Variants in ATG10 observed in about 807,000 individuals in gnomAD.
The protein encoded by ATG10 is autophagy related 10, also known as ubiquitin-like-conjugating enzyme ATG10.
Under a neutral mutation model 32.1 loss-of-function variants are expected in ATG10, and 30 were observed. The observed-to-expected ratio is 0.94, with a 90% CI of 0.70 to 1.27. The LOEUF (loss-of-function observed/expected upper bound fraction) is 1.27, where lower values mean the gene tolerates loss of function less well. Ranked by LOEUF, ATG10 falls within the 50% of genes most tolerant of loss-of-function variation. The pLI is 0.00. For synonymous variants in ATG10, 87 were observed against 91.5 expected (o/e 0.95, Z 0.28); for missense variants, 233 against 262.3 (o/e 0.89, Z 0.77).
intron 5 of ATG10, among the ~76,000 whole-genome samples, chr5:82,187,010 G>C (rs1199771830): frequency 2.0e-5 from 3 of 152,070 alleles, no homozygotes; most frequent in African/African-American, 7.2e-5. Context: ...CCTACATTAA[G>C]AAATATATGA....
chr5:82,204,348 T>C (rs1304418865), intron 5 of ATG10, among the ~76,000 whole-genome samples: 1 of 152,182 alleles, frequency 6.6e-6, no homozygotes, highest in Non-Finnish European at 1.5e-5. Flanking sequence ...GTGAAGTCTT[T>C]AGAGCATTTC....
chr5:81,995,128 G>A (rs1761621833), intron 2 of ATG10, among the ~76,000 whole-genome samples: 1 of 150,374 alleles, frequency 6.7e-6, no homozygotes, highest in Non-Finnish European at 1.5e-5. Flanking sequence ...GTGTGTGTAT[G>A]TGTGTGTGTG....
chr5:82,207,161 TG>T (rs1026617722), intron 5 of ATG10, among the ~76,000 whole-genome samples: 27 of 152,290 alleles, frequency 1.8e-4, no homozygotes, highest in African/African-American at 6.5e-4. Context: ...GCATTTCTAT[TG>T]GGTATATATC....
At chr5:82,048,179 T>C (rs1452851506) in intron 2 of ATG10, among the ~76,000 whole-genome samples, 1 of 134,234 alleles carries the variant, frequency 7.4e-6, no homozygotes, top group East Asian at 2.0e-4. Context: ...TCTTTTGGCT[T>C]AGGATTGACT....
intron 2 of ATG10, among the ~76,000 whole-genome samples, chr5:82,041,332 C>A (rs949476241): frequency 2.0e-5 from 3 of 152,152 alleles, no homozygotes; most frequent in Non-Finnish European, 4.4e-5. Flanking sequence ...CTAGTGGTTT[C>A]ACTAGTACAT....
intron 3 of ATG10, among the ~76,000 whole-genome samples, chr5:82,097,417 C>A (rs953798950): frequency 1.3e-5 from 2 of 151,974 alleles, no homozygotes; most frequent in Admixed American, 1.3e-4. Context: ...ACATCTAGGA[C>A]CATCTTAAAT....
intron 3 of ATG10, among the ~76,000 whole-genome samples, chr5:82,134,169 G>C (rs1378943814): frequency 1.8e-5 from 1 of 54,224 alleles, no homozygotes; most frequent in Non-Finnish European, 3.7e-5. Context: ...TCTGCAAACA[G>C]AGACAATTTG....
At chr5:82,219,341 C>T (rs1317673645) in intron 5 of ATG10, among the ~76,000 whole-genome samples, 1 of 152,156 alleles carries the variant, frequency 6.6e-6, no homozygotes, top group Admixed American at 6.5e-5. Context: ...CTTCTTTTCA[C>T]ACAGAGAATT....
chr5:82,021,470 A>G lies in ATG10; in HGVS notation c.108+33792A>G, dbSNP rs575318284. ...CTCCTGTATACTTTAAATCATCTCT[A>G]GATTACTTACAATACCTGATACAGT... On this transcript the variant is annotated intron_variant, in intron 2 of 7. Coordinates refer to ENST00000282185, the MANE Select transcript of ATG10 (RefSeq NM_031482.5). Among the ~76,000 whole-genome samples the G allele has an allele frequency of 5.4e-4, 82 of 152,360 alleles. 1 individual carries two copies. The highest frequency in any genetic ancestry group is 1.9e-3 in the South Asian group (9 of 4,832).
At chr5:82,168,654 T>C (rs914085102) in intron 4 of ATG10, among the ~76,000 whole-genome samples, 1 of 152,190 alleles carries the variant, frequency 6.6e-6, no homozygotes, top group Non-Finnish European at 1.5e-5. Context: ...GAAAGATTTG[T>C]CCACTTGTTG....
At chr5:82,121,941 GTT>G (rs77349086) in intron 3 of ATG10, among the ~76,000 whole-genome samples, 1 of 120,992 alleles carries the variant, frequency 8.3e-6, no homozygotes, top group Non-Finnish European at 1.7e-5. Context: ...TTGGCCTGAA[GTT>G]TTTTTTTTTT....
chr5:82,165,935 T>G, intron 4 of ATG10, among the ~76,000 whole-genome samples: 1 of 152,150 alleles, frequency 6.6e-6, no homozygotes, highest in East Asian at 1.9e-4. Context: ...ATAATTAGTA[T>G]TCACCATAAG....
intron 3 of ATG10, among the ~76,000 whole-genome samples, chr5:82,087,458 A>G (rs1003185083): frequency 9.2e-5 from 14 of 152,178 alleles, no homozygotes; most frequent in African/African-American, 3.1e-4. Context: ...TAGATGGTGG[A>G]GAGCTTTTGT....
intron 2 of ATG10, among the ~76,000 whole-genome samples, chr5:82,050,881 T>G (rs1763394502): frequency 7.2e-6 from 1 of 138,302 alleles, no homozygotes. Context: ...CAGCCAGATG[T>G]GGCAGTGTAG....
chr5:82,079,045 T>C (rs545011197), intron 3 of ATG10, among the ~76,000 whole-genome samples: 8 of 152,350 alleles, frequency 5.3e-5, no homozygotes, highest in Admixed American at 3.9e-4. Context: ...TCTGCTTTTA[T>C]GTGTACTTTG....
chr5:82,183,541 T>C (rs1445248666), intron 5 of ATG10, among the ~76,000 whole-genome samples: 1 of 152,188 alleles, frequency 6.6e-6, no homozygotes, highest in Non-Finnish European at 1.5e-5. Flanking sequence ...GGGTATGCCG[T>C]CGGGGGGACA....
At chr5:82,142,892 G>C (rs1169396485) in intron 3 of ATG10, among the ~76,000 whole-genome samples, 2 of 152,006 alleles carry the variant, frequency 1.3e-5, no homozygotes, top group African/African-American at 4.8e-5. Context: ...TGGACATCTG[G>C]GTATTATGTA....
At chr5:82,046,982 T>TG (rs1488929007) in intron 2 of ATG10, among the ~76,000 whole-genome samples, 1 of 136,144 alleles carries the variant, frequency 7.3e-6, no homozygotes, top group East Asian at 2.0e-4. Context: ...GTCATCTGTG[T>TG]TTTTTTTTTT....
chr5:81,984,799 A>G lies in ATG10; in HGVS notation c.-12-2760A>G, dbSNP rs192632381. ...TAAAAATGTTGATTGAATTATATTT[A>G]CATTTTTGAGTTGAAATATTCTTGC... On this transcript the variant is annotated intron_variant, in intron 1 of 7. Transcript: ENST00000282185. 2.0e-3 allele frequency among the ~76,000 whole-genome samples: 307 copies of G among 152,352 alleles called. 1 individual carries two copies. The highest frequency in any genetic ancestry group is 6.9e-3 in the African/African-American group (287 of 41,580).
Sources: allele counts gnomAD v4.1 joint callset (sites outside exome capture counted in the v4.1 genomes callset), GRCh38; gene constraint gnomAD v4.1.1; transcripts MANE v1.5; gene names NCBI Gene and HGNC (gene_info 2026-07-23, HGNC 2026-07-21).